Variants in APBB2 observed in about 807,000 individuals in gnomAD.
The protein encoded by APBB2 is amyloid beta precursor protein binding family B member 2.
In APBB2, 38 loss-of-function variants were observed where a neutral mutation model predicts 82.5. The ratio of observed to expected loss-of-function variants is 0.46; its 90% CI spans 0.36 to 0.60. The LOEUF (loss-of-function observed/expected upper bound fraction) is 0.60, where lower values mean the gene tolerates loss of function less well. Ranked by LOEUF, APBB2 falls within the 20% of genes least tolerant of loss-of-function variation. The pLI is 0.00. For missense variants in APBB2, 772 were observed against 972.3 expected, an observed-to-expected ratio of 0.79 and a Z score of 2.74; for synonymous variants, 341 against 368.2, an observed-to-expected ratio of 0.93 and a Z score of 0.85.
intron 1 of APBB2, among the ~76,000 whole-genome samples, chr4:41,146,511 AG>A (rs1760799937): frequency 6.6e-6 from 1 of 152,108 alleles, no homozygotes; most frequent in Non-Finnish European, 1.5e-5. Context: ...AAAGAAATAA[AG>A]AAAACAATAC....
intron 6 of APBB2, among the ~76,000 whole-genome samples, chr4:40,974,931 C>T (rs981775653): frequency 1.3e-5 from 2 of 152,186 alleles, no homozygotes; most frequent in Admixed American, 6.5e-5. Context: ...TACTTACATA[C>T]CCCTTTTATC....
chr4:40,923,197 G>A lies in APBB2; in HGVS notation c.1254+11259C>T, dbSNP rs376057529. Among the ~76,000 whole-genome samples, 35 of 150,032 alleles carry A rather than the reference G, an allele frequency of 2.3e-4. No individual in the cohort carries two copies. In the East Asian group the frequency reaches 6.3e-3, roughly 27 times the overall value. ...TCACCGTGTTAGCCAAGATGGTCTC[G>A]ATCTCCTGACCTTGTGATCCGCCCG... On this transcript the variant is annotated intron_variant, in intron 10 of 17. Transcript: ENST00000508593.
At chr4:41,070,775 C>A (rs1433878845) in intron 3 of APBB2, among the ~76,000 whole-genome samples, 1 of 151,994 alleles carries the variant, frequency 6.6e-6, no homozygotes, top group Non-Finnish European at 1.5e-5. Flanking sequence ...TGATTGTGTC[C>A]ATCTGACTAG....
intron 4 of APBB2, among the ~76,000 whole-genome samples, chr4:41,049,926 C>T (rs374682777): frequency 6.6e-4 from 101 of 152,116 alleles, no homozygotes; most frequent in African/African-American, 2.3e-3. Flanking sequence ...GCAGCATGCT[C>T]GTTAAGAGTC....
At chr4:40,867,713 AT>A (rs1764384483) in intron 12 of APBB2, among the ~76,000 whole-genome samples, 1 of 152,182 alleles carries the variant, frequency 6.6e-6, no homozygotes, top group Non-Finnish European at 1.5e-5. Flanking sequence ...ATGTACTCTC[AT>A]TCCTGGGACT....
At chr4:40,989,738 T>A (rs1801499557) in intron 6 of APBB2, among the ~76,000 whole-genome samples, 3 of 152,272 alleles carry the variant, frequency 2.0e-5, no homozygotes, top group South Asian at 4.1e-4. Context: ...TAAGCTGATC[T>A]CTGTGTCATC....
At chr4:41,116,112 C>T (rs1452335573) in intron 2 of APBB2, among the ~76,000 whole-genome samples, 1 of 152,222 alleles carries the variant, frequency 6.6e-6, no homozygotes, top group African/African-American at 2.4e-5. Flanking sequence ...GGCACATATA[C>T]ACCATGGAAT....
chr4:40,931,456 C>T (rs1427030283), intron 10 of APBB2, among the ~76,000 whole-genome samples: 1 of 152,018 alleles, frequency 6.6e-6, no homozygotes, highest in Non-Finnish European at 1.5e-5. Flanking sequence ...TTTTTTGTAG[C>T]GACAAGGTCT....
intron 16 of APBB2, among the ~76,000 whole-genome samples, chr4:40,823,375 C>T (rs1748666547): frequency 6.6e-6 from 1 of 152,202 alleles, no homozygotes; most frequent in Admixed American, 6.5e-5. Flanking sequence ...TAGCGTCACA[C>T]ACTCACCTCT....
At position 40,892,009 on chromosome 4, in the gene APBB2, T is replaced by C. The variant is rs199599720; in HGVS notation, c.1401+1256A>G. Among the ~76,000 whole-genome samples the C allele has an allele frequency of 4.6e-5, 7 of 150,700 alleles. No homozygotes were observed. The East Asian group carries it at 1.4e-3, about 29-fold the overall frequency. On this transcript the variant is annotated intron_variant, in intron 11 of 17. Transcript: ENST00000508593. ...CTTTGTCACCCAGGCTGGAGTGCAA[T>C]GGCACGATAGCTCACTGCAACCTCT...
At chr4:40,962,770 G>A (rs1440598158) in intron 6 of APBB2, among the ~76,000 whole-genome samples, 1 of 151,998 alleles carries the variant, frequency 6.6e-6, no homozygotes, top group African/African-American at 2.4e-5. Flanking sequence ...TGGGGGTTGG[G>A]GAGTACATAT....
chr4:41,151,277 C>T lies in APBB2; in HGVS notation c.-416-8135G>A, dbSNP rs146966940. On this transcript the variant is annotated intron_variant, in intron 1 of 17. Coordinates refer to ENST00000508593, the MANE Select transcript of APBB2 (RefSeq NM_004307.2). ...GACTATCTTAGTGCATCTTCCCTTC[C>T]GCTGCTCTACAACAGTGCTGTTCAA... Among the ~76,000 whole-genome samples the T allele has an allele frequency of 8.3e-4, 126 of 152,286 alleles. No individual in the cohort carries two copies. In the East Asian group the frequency reaches 0.021, roughly 25 times the overall value.
intron 10 of APBB2, among the ~76,000 whole-genome samples, chr4:40,934,022 T>C (rs1784828876): frequency 6.6e-6 from 1 of 152,116 alleles, no homozygotes; most frequent in Non-Finnish European, 1.5e-5. Context: ...ATCCAATCTG[T>C]GTTTATGACA....
chr4:41,132,727 T>C (rs537733925), intron 2 of APBB2, among the ~76,000 whole-genome samples: 4 of 152,342 alleles, frequency 2.6e-5, no homozygotes, highest in East Asian at 3.9e-4. Context: ...CTGAGAACAT[T>C]TGCTATCTAT....
At chr4:40,914,994 A>G (rs928500665) in intron 10 of APBB2, among the ~76,000 whole-genome samples, 1 of 152,210 alleles carries the variant, frequency 6.6e-6, no homozygotes, top group Non-Finnish European at 1.5e-5. Flanking sequence ...TCATCTGACA[A>G]GAGAGGGGAA....
chr4:41,141,607 C>T (rs771069250), intron 2 of APBB2, among the ~76,000 whole-genome samples: 15 of 152,132 alleles, frequency 9.9e-5, no homozygotes, highest in Non-Finnish European at 2.1e-4. Context: ...ATGGTTGTGA[C>T]CCTTTAGTCC....
chr4:41,113,619 A>G (rs1300882348), intron 2 of APBB2, among the ~76,000 whole-genome samples: 1 of 152,232 alleles, frequency 6.6e-6, no homozygotes, highest in Non-Finnish European at 1.5e-5. Flanking sequence ...CTGGTTTAAA[A>G]TTTTGTTAAA....
intron 6 of APBB2, among the ~76,000 whole-genome samples, chr4:40,994,691 AT>A (rs1803129897): frequency 6.6e-6 from 1 of 150,950 alleles, no homozygotes; most frequent in Non-Finnish European, 1.5e-5. Flanking sequence ...GCACATGCCT[AT>A]AGTCCCAGCT....
chr4:41,156,250 G>A (rs373306912), intron 1 of APBB2, among the ~76,000 whole-genome samples: 1 of 151,870 alleles, frequency 6.6e-6, no homozygotes, highest in African/African-American at 2.4e-5. Flanking sequence ...TTAATTGAGG[G>A]GAAAAAAATC....
Sources: gnomAD v4.1 joint callset for allele counts (sites outside exome capture counted in the v4.1 genomes callset) on GRCh38, gnomAD v4.1.1 for gene constraint, MANE v1.5 for transcripts, NCBI Gene and HGNC (gene_info 2026-07-23, HGNC 2026-07-21) for gene names.